VPS35L: variants seen among roughly 807,000 people sequenced by gnomAD.
VPS35L encodes VPS35 endosomal protein-sorting factor-like.
A neutral mutation model predicts 133.0 loss-of-function variants in VPS35L; 83 were observed. The observed-to-expected ratio is 0.62, with a 90% CI of 0.52 to 0.75. The LOEUF is 0.75. VPS35L is among the 30% of genes least tolerant of loss of function. The pLI is 0.00. For synonymous variants in VPS35L, 423 were observed against 449.9 expected, an observed-to-expected ratio of 0.94 and a Z score of 0.76; for missense variants, 1,083 against 1,206.8, an observed-to-expected ratio of 0.90 and a Z score of 1.52.
rs1976049481 is a variant in VPS35L at position 19,699,754 on chromosome 16, C to G, written c.2793+106C>G. ...ATCAGACAGACAACCCCATACTCCC[C>G]TTTTAGAAAAGCACTTGGTCCATTT... On this transcript the variant is annotated intron_variant, in intron 30 of 30. Transcript: ENST00000417362. The surrounding 1 kb of genome is among the most constrained non-coding windows in gnomAD (Gnocchi z 4.2). 6.9e-7 allele frequency: 1 copy of G among 1,447,096 alleles called. No homozygotes were observed. The highest frequency in any genetic ancestry group is 1.2e-5 in the South Asian group (1 of 82,778). The allele number at this position is 1,447,096 out of a possible 1,614,324, so 89.6% of individuals were successfully genotyped here.
chr16:19,581,744 G>A, intron 7 of VPS35L, 91 bp downstream of exon 7: 1 of 1,428,896 alleles, frequency 7.0e-7, no homozygotes, highest in South Asian at 1.2e-5. Context: ...TACCTGCAGG[G>A]TCTTACTCTT....
intron 23 of VPS35L, among the ~76,000 whole-genome samples, chr16:19,645,506 G>T (rs1973915640): frequency 1.3e-5 from 2 of 152,236 alleles, no homozygotes; most frequent in Middle Eastern, 3.4e-3. Flanking sequence ...AGCCAGGATG[G>T]TCTCGATCTG....
intron 8 of VPS35L, among the ~76,000 whole-genome samples, chr16:19,598,790 A>AC (rs1438533353): frequency 6.6e-6 from 1 of 152,050 alleles, no homozygotes; most frequent in Non-Finnish European, 1.5e-5. Context: ...TCTCTTAAAA[A>AC]AAAAAAAGTG....
chr16:19,651,861 T>C lies in VPS35L; in HGVS notation c.2107-115T>C, dbSNP rs577576624. On this transcript the variant is annotated intron_variant, in intron 25 of 30. Coordinates refer to ENST00000417362, the MANE Select transcript of VPS35L (RefSeq NM_020314.7). The stretch of plus-strand genomic sequence containing the variant: ...CAAGAGGGGAAAATGGGGCTCAGAA[T>C]GTGGAGATTCACTGTTGTAAGTTTC... 3.9e-6 allele frequency: 3 copies of C among 778,468 alleles called. No homozygotes were observed. The South Asian group carries it at 4.9e-5, about 13-fold the overall frequency. The allele number at this position is 778,468 out of a possible 1,614,324, so 48.2% of individuals were successfully genotyped here. A position where few individuals can be genotyped will look rare whatever the true frequency, so the allele number is the denominator to read the frequency against.
rs114153403 is a variant in VPS35L at position 19,616,904 on chromosome 16, C to T, written c.1224+96C>T. The T allele has an allele frequency of 5.7e-3, 8,863 of 1,542,732 alleles. 141 individuals carry two copies. Among genetic ancestry groups the T allele is most frequent in the African/African-American group, 0.054 (3,981 of 73,448 alleles). On this transcript the variant is annotated intron_variant, in intron 14 of 30. Coordinates refer to ENST00000417362, the MANE Select transcript of VPS35L (RefSeq NM_020314.7). ...TAACGTTAATGGGACCCTTTCATAACAGCTATAGCAATGTTAGTGCTAGCC... is the reference window on the plus strand; with the variant it reads ...TAACGTTAATGGGACCCTTTCATAATAGCTATAGCAATGTTAGTGCTAGCC...
intron 7 of VPS35L, among the ~76,000 whole-genome samples, chr16:19,584,417 A>C (rs1287222515): frequency 6.6e-6 from 1 of 152,132 alleles, no homozygotes; most frequent in African/African-American, 2.4e-5. Context: ...ACCTGAGGTC[A>C]GGAGTTCGAG....
chr16:19,632,816 G>A (rs564853541), intron 18 of VPS35L, among the ~76,000 whole-genome samples: 18 of 152,352 alleles, frequency 1.2e-4, no homozygotes, highest in South Asian at 1.0e-3. Context: ...AGAGAGGCAC[G>A]GCCGATTCAA....
intron 3 of VPS35L, among the ~76,000 whole-genome samples, chr16:19,570,834 CATATATAT>C (rs58794831): frequency 0.013 from 1,011 of 78,528 alleles, 15 homozygotes; most frequent in East Asian, 0.024. Flanking sequence ...TGCTGTGTTT[CATATATAT>C]ATATATATAT....
Position 19,691,346 on chromosome 16 carries a change from T to C in VPS35L, c.2528-7T>C. ...GGTCTGTCTCACTGTTCTTGTTTGTTCAACAGTGGACTCCAACGACAGCCT... is the reference window on the plus strand; with the variant it reads ...GGTCTGTCTCACTGTTCTTGTTTGTCCAACAGTGGACTCCAACGACAGCCT... On this transcript the variant is annotated splice_region_variant and splice_polypyrimidine_tract_variant and intron_variant, in intron 28 of 30. Transcript: ENST00000417362. 6.2e-7 allele frequency: 1 copy of C among 1,608,052 alleles called. No individual in the cohort carries two copies. Among genetic ancestry groups the C allele is most frequent in the Non-Finnish European group, 8.5e-7 (1 of 1,174,604 alleles).
intron 24 of VPS35L, among the ~76,000 whole-genome samples, chr16:19,648,473 C>T (rs891348755): frequency 2.6e-5 from 4 of 152,280 alleles, no homozygotes; most frequent in Admixed American, 6.5e-5. Flanking sequence ...CCCCTTCTTA[C>T]GTAACAAGAG....
intron 26 of VPS35L, among the ~76,000 whole-genome samples, chr16:19,660,099 T>C (rs1974431811): frequency 6.6e-6 from 1 of 151,974 alleles, no homozygotes; most frequent in Non-Finnish European, 1.5e-5. Context: ...GCCGAGACGG[T>C]GGATCACTAG....
At position 19,567,394 on chromosome 16, in the gene VPS35L, TG is replaced by T. The variant is rs542157836; in HGVS notation, c.118-2026del. On this transcript the variant is annotated intron_variant, in intron 2 of 30. Transcript: ENST00000417362. ...TGCTGTATAGAATAAGTTGATAGAT[TG>T]GGGTAGGTCTAATGCTCACCTTGGG... Among the ~76,000 whole-genome samples the T allele has an allele frequency of 3.2e-4, 49 of 152,312 alleles. 1 individual carries two copies. In the South Asian group the frequency reaches 8.3e-3, roughly 26 times the overall value.
intron 5 of VPS35L, among the ~76,000 whole-genome samples, chr16:19,575,993 TAAA>T (rs768432545): frequency 1.2e-5 from 1 of 82,944 alleles, no homozygotes; most frequent in Middle Eastern, 6.8e-3. Context: ...CCATCTCTAC[TAAA>T]AAAAAAAAAA....
chr16:19,560,507 CATT>C (rs1970994084), intron 1 of VPS35L, among the ~76,000 whole-genome samples: 1 of 152,066 alleles, frequency 6.6e-6, no homozygotes, highest in South Asian at 2.1e-4. Context: ...AATTAAGAGT[CATT>C]TGAGGCTGGG....
At chr16:19,597,590 T>C (rs960754051) in intron 8 of VPS35L, among the ~76,000 whole-genome samples, 5 of 152,192 alleles carry the variant, frequency 3.3e-5, no homozygotes, top group Admixed American at 2.6e-4. Flanking sequence ...ATGTTTTACC[T>C]ATTCAAAACC....
intron 1 of VPS35L, among the ~76,000 whole-genome samples, chr16:19,558,045 GA>G (rs1220930773): frequency 6.6e-6 from 1 of 151,922 alleles, no homozygotes; most frequent in Non-Finnish European, 1.5e-5. Context: ...ACTCCAGCCT[GA>G]GCTACTAAGC....
intron 17 of VPS35L, among the ~76,000 whole-genome samples, 191 bp downstream of exon 17, chr16:19,628,944 AC>A: frequency 6.6e-6 from 1 of 152,234 alleles, no homozygotes; most frequent in Non-Finnish European, 1.5e-5. Context: ...GGTGTGTGCC[AC>A]CACACCCAGC....
At chr16:19,635,394 CA>C (rs1211361286) in intron 19 of VPS35L, among the ~76,000 whole-genome samples, 2 of 152,006 alleles carry the variant, frequency 1.3e-5, no homozygotes, top group African/African-American at 4.8e-5. Flanking sequence ...AAATAAAACC[CA>C]AAAACCCCAC....
chr16:19,662,988 CA>C (rs957304451), intron 26 of VPS35L, among the ~76,000 whole-genome samples: 39 of 142,106 alleles, frequency 2.7e-4, no homozygotes, highest in Admixed American at 4.9e-4. Flanking sequence ...GACTCTGCCT[CA>C]AAAAAAAAAT....
Sources: allele counts gnomAD v4.1 joint callset (sites outside exome capture counted in the v4.1 genomes callset), GRCh38; gene constraint gnomAD v4.1.1; non-coding constraint Gnocchi (gnomAD v3.1); transcripts MANE v1.5; gene names NCBI Gene and HGNC (gene_info 2026-07-23, HGNC 2026-07-21).